Variants in H2BC5 observed in about 807,000 individuals in gnomAD.
H2BC5 encodes the protein H2B clustered histone 5, also known as histone H2B type 1-D.
In H2BC5, 9 loss-of-function variants were observed where a neutral mutation model predicts 5.7. That is an observed-to-expected ratio of 1.57 (90% CI 0.95 to 2.74). The LOEUF is 2.74. H2BC5 is among the 30% of genes most tolerant of loss of function. The pLI is 0.00. For missense variants in H2BC5, 175 were observed against 168.8 expected, an observed-to-expected ratio of 1.04 and a Z score of -0.20; for synonymous variants, 133 against 70.9, an observed-to-expected ratio of 1.88 and a Z score of -4.40.
rs753842669 is a variant in H2BC5, at chr6:26,158,344, G to A, written c.175G>A (p.Ala59Thr). 1 of 1,614,254 alleles carries A rather than the reference G, an allele frequency of 6.2e-7. No homozygotes were observed. Among genetic ancestry groups the A allele is most frequent in the Non-Finnish European group, 8.5e-7 (1 of 1,180,054 alleles). ...VHPDTGISSKAMGIMNSFVND... is the reference protein window; with the variant it reads ...VHPDTGISSKTMGIMNSFVND... ...TCCCGACACCGGCATCTCTTCCAAG[G>A]CAATGGGGATCATGAATTCCTTCGT... Residue 59 changes from alanine (A) to threonine (T), a missense_variant, in exon 1 of 1, where the codon GCA (alanine) becomes ACA (threonine). Ala to Thr is a moderately conservative substitution (Grantham distance 58). Coordinates refer to ENST00000377777, the MANE Select transcript of H2BC5 (RefSeq NM_021063.4).
rs201240446 is a variant in H2BC5 at position 26,158,133 on chromosome 6, A to C, written c.-37A>C. 1.3e-6 allele frequency: 2 copies of C among 1,583,288 alleles called. No homozygotes were observed. The highest frequency in any genetic ancestry group is 1.7e-6 in the Non-Finnish European group (2 of 1,166,088). On this transcript the variant is annotated 5_prime_UTR_variant, in exon 1 of 1. Coordinates refer to ENST00000377777, the MANE Select transcript of H2BC5 (RefSeq NM_021063.4). ...CCTCGGCGGGAGTGATTATTTTCTC[A>C]GGTGTTTGCAACAGTGTTCTAACTA...
chr6:26,163,565 T>C (rs1442318010), downstream of H2BC5: 1 of 152,184 alleles, frequency 6.6e-6, no homozygotes, highest in East Asian at 1.9e-4. Context: ...GGTGGCACAC[T>C]CGCATATCTG....
chr6:26,167,079 G>C (rs1297080534), intron 1 of H2BC5, among the ~76,000 whole-genome samples: 1 of 74,202 alleles, frequency 1.3e-5, no homozygotes, highest in African/African-American at 5.3e-5. Flanking sequence ...TTTGTAAAAT[G>C]ATAGGAGTTA....
downstream of H2BC5, among the ~76,000 whole-genome samples, chr6:26,160,600 G>A (rs144158699): frequency 1.5e-4 from 23 of 152,098 alleles, no homozygotes; most frequent in East Asian, 4.3e-3. Flanking sequence ...CAGGCACGGT[G>A]GTTCATGCCT....
At chr6:26,159,254 T>TTTG (rs1764306793), downstream of H2BC5, among the ~76,000 whole-genome samples, 3 of 139,496 alleles carry the variant, frequency 2.2e-5, no homozygotes, top group African/African-American at 8.1e-5. Flanking sequence ...TTTTTTTTTT[T>TTTG]TTTTTTTTTT....
Position 26,168,800 on chromosome 6 carries a change from A to G in H2BC5, c.*10-2175A>G, listed in dbSNP as rs371926139. The stretch of plus-strand genomic sequence containing the variant: ...AAGTGGTGCCACTACAGTTTATATA[A>G]AACATTATCCCAGCACATAGCAGCT... On this transcript the variant is annotated intron_variant, in intron 1 of 1. Coordinates refer to the H2BC5 transcript ENST00000289316. Among the ~76,000 whole-genome samples the G allele has an allele frequency of 6.6e-5, 10 of 152,318 alleles. No individual in the cohort carries two copies. In the South Asian group the frequency reaches 1.2e-3, roughly 19 times the overall value.
intron 1 of H2BC5, chr6:26,164,345 T>C: frequency 4.0e-6 from 1 of 250,620 alleles, no homozygotes; most frequent in African/African-American, 2.3e-5. Context: ...TGAAAAACCA[T>C]TTAGCCCTGG....
At chr6:26,162,939 T>C (rs956298603), downstream of H2BC5, among the ~76,000 whole-genome samples, 11 of 152,184 alleles carry the variant, frequency 7.2e-5, no homozygotes, top group Non-Finnish European at 5.9e-5. Flanking sequence ...ATGCTTTTTC[T>C]TTTTTAACCT....
downstream of H2BC5, among the ~76,000 whole-genome samples, chr6:26,160,226 G>A (rs1764329770): frequency 6.6e-6 from 1 of 152,094 alleles, no homozygotes. Context: ...CATATCCCAG[G>A]CTGGTTTTGT....
intron 1 of H2BC5, among the ~76,000 whole-genome samples, chr6:26,165,896 AGT>A (rs1398954048): frequency 6.6e-6 from 1 of 152,210 alleles, no homozygotes. Context: ...GTGGACATAG[AGT>A]ATACCTGACT....
chr6:26,161,332 T>C (rs921893205), downstream of H2BC5: 1 of 152,178 alleles, frequency 6.6e-6, no homozygotes, highest in Non-Finnish European at 1.5e-5. Context: ...CATGTAATTA[T>C]AAGACAAATT....
intron 1 of H2BC5, among the ~76,000 whole-genome samples, chr6:26,165,697 CTCTG>C (rs1764411137): frequency 6.6e-6 from 1 of 152,138 alleles, no homozygotes; most frequent in South Asian, 2.1e-4. Context: ...GTCAAGGAGG[CTCTG>C]TCTCTCTTAA....
At chr6:26,169,788 G>A (rs973029456) in intron 1 of H2BC5, among the ~76,000 whole-genome samples, 3 of 151,806 alleles carry the variant, frequency 2.0e-5, no homozygotes, top group Non-Finnish European at 2.9e-5. Flanking sequence ...GTGAAACCCC[G>A]TCTCTACTAA....
At chr6:26,170,564 A>G (rs1235867295) in intron 1 of H2BC5, among the ~76,000 whole-genome samples, 1 of 152,218 alleles carries the variant, frequency 6.6e-6, no homozygotes, top group Non-Finnish European at 1.5e-5. Context: ...TTATTTTAAG[A>G]TAGTTCATGT....
chr6:26,164,596 T>TTATATATA (rs113707312), intron 1 of H2BC5, among the ~76,000 whole-genome samples: 6 of 147,704 alleles, frequency 4.1e-5, no homozygotes, highest in East Asian at 2.0e-4. Flanking sequence ...AAGGGAGATT[T>TTATATATA]TATATATATA....
At chr6:26,171,130 AAAG>A (rs1764508913) in exon 2 of H2BC5, 1 of 152,206 alleles carries the variant, frequency 6.6e-6, no homozygotes, top group Non-Finnish European at 1.5e-5. Flanking sequence ...TGGTTCATCA[AAAG>A]AAGGTTACCG....
At chr6:26,162,787 C>T (rs763406285), downstream of H2BC5, among the ~76,000 whole-genome samples, 1 of 152,178 alleles carries the variant, frequency 6.6e-6, no homozygotes, top group Non-Finnish European at 1.5e-5. Context: ...GATCTGCCCA[C>T]CATGGGGTCC....
downstream of H2BC5, among the ~76,000 whole-genome samples, chr6:26,159,131 G>T (rs77822671): frequency 2.0e-5 from 3 of 152,044 alleles, no homozygotes; most frequent in African/African-American, 7.2e-5. Context: ...AGCGAGTGGG[G>T]CAGGGAAAGG....
downstream of H2BC5, chr6:26,160,832 G>C (rs1313913646): frequency 6.8e-6 from 1 of 147,928 alleles, no homozygotes; most frequent in Non-Finnish European, 1.5e-5. Context: ...TCGTGCCACT[G>C]CACTCCACCC....
Sources: gnomAD v4.1 joint callset for allele counts (sites outside exome capture counted in the v4.1 genomes callset) on GRCh38, gnomAD v4.1.1 for gene constraint, MANE v1.5 for transcripts, NCBI Gene and HGNC (gene_info 2026-07-23, HGNC 2026-07-21) for gene names.